Variants in GPC6 observed in about 807,000 individuals in gnomAD.
GPC6 encodes glypican-6.
A neutral mutation model predicts 55.2 loss-of-function variants in GPC6; 14 were observed. The ratio of observed to expected loss-of-function variants is 0.25; its 90% CI spans 0.17 to 0.40. The LOEUF (loss-of-function observed/expected upper bound fraction) is 0.40. Ranked by LOEUF, GPC6 falls within the 10% of genes least tolerant of loss-of-function variation. The pLI, the probability that GPC6 is intolerant of heterozygous loss-of-function variation, is 1.00. For synonymous variants in GPC6, 278 were observed against 259.6 expected (o/e 1.07, Z -0.68); for missense variants, 641 against 708.5 (o/e 0.90, Z 1.08).
intron 4 of GPC6, among the ~76,000 whole-genome samples, chr13:94,105,938 T>A (rs1886037933): frequency 6.6e-6 from 1 of 150,620 alleles, no homozygotes; most frequent in African/African-American, 2.4e-5. Context: ...CCAAGAGTTA[T>A]CCAGCTATCC....
chr13:93,391,654 C>T (rs1259174120), intron 1 of GPC6, among the ~76,000 whole-genome samples: 1 of 152,080 alleles, frequency 6.6e-6, no homozygotes, highest in Non-Finnish European at 1.5e-5. Flanking sequence ...TGCCATGGCT[C>T]TTTTTGAGTT....
intron 1 of GPC6, among the ~76,000 whole-genome samples, chr13:93,268,568 C>A: frequency 6.6e-6 from 1 of 151,942 alleles, no homozygotes; most frequent in Non-Finnish European, 1.5e-5. Flanking sequence ...TACGTAAAGA[C>A]CAATTCTCGG....
At chr13:93,892,829 A>T (rs1213446271) in intron 3 of GPC6, among the ~76,000 whole-genome samples, 1 of 152,152 alleles carries the variant, frequency 6.6e-6, no homozygotes, top group Non-Finnish European at 1.5e-5. Flanking sequence ...TTCACTAAGG[A>T]GATGTGTTCT....
intron 8 of GPC6, among the ~76,000 whole-genome samples, chr13:94,401,722 C>T (rs1164054172): frequency 6.6e-6 from 1 of 152,178 alleles, no homozygotes; most frequent in Non-Finnish European, 1.5e-5. Flanking sequence ...TTCACATACA[C>T]TTTTTACATG....
intron 3 of GPC6, among the ~76,000 whole-genome samples, chr13:93,841,647 C>T (rs753046628): frequency 1.3e-5 from 2 of 152,062 alleles, no homozygotes; most frequent in East Asian, 1.9e-4. Flanking sequence ...AAACTATAGC[C>T]GAAATCAGTA....
In GPC6 at chr13:93,869,131, C is replaced by T. The variant is rs76988075; in HGVS notation, c.711+38586C>T. 6.8e-3 allele frequency among the ~76,000 whole-genome samples: 1,028 copies of T among 151,932 alleles called. 17 individuals carry two copies. Among genetic ancestry groups the T allele is most frequent in the African/African-American group, 0.023 (974 of 41,498 alleles). On this transcript the variant is annotated intron_variant, in intron 3 of 8. Coordinates refer to ENST00000377047, the MANE Select transcript of GPC6 (RefSeq NM_005708.5). ...GCCCTTTAATACTGCACACCATCTG[C>T]TTCAAGTCCCTTTCTTTTTACAGCC...
In GPC6 at chr13:93,227,381, G is replaced by A. The variant is rs1415190906; in HGVS notation, c.-76G>A. Reference sequence around the variant, plus strand: ...CGAGGAGCGCGCCGCTGCCTCTGGCGGGCTTTCGGCTTGAGGGGCAAGGTG... The same window carrying A: ...CGAGGAGCGCGCCGCTGCCTCTGGCAGGCTTTCGGCTTGAGGGGCAAGGTG... On this transcript the variant is annotated 5_prime_UTR_variant, in exon 1 of 9. Transcript: ENST00000377047. The surrounding 1 kb of genome is among the most constrained non-coding windows in gnomAD (Gnocchi z 4.3). The A allele has an allele frequency of 4.0e-6, 6 of 1,481,694 alleles. No homozygotes were observed. The highest frequency in any genetic ancestry group is 2.3e-5 in the East Asian group (1 of 43,740). The allele number at this position is 1,481,694 out of a possible 1,614,324, so 91.8% of individuals were successfully genotyped here. A position where few individuals can be genotyped will look rare whatever the true frequency, so the allele number is the denominator to read the frequency against.
At chr13:93,769,748 C>T (rs1362082737) in intron 2 of GPC6, among the ~76,000 whole-genome samples, 2 of 152,208 alleles carry the variant, frequency 1.3e-5, no homozygotes, top group Non-Finnish European at 1.5e-5. Context: ...TTGGCTTGCA[C>T]ACACAACCTC....
At chr13:93,543,586 T>G (rs939317370) in intron 1 of GPC6, among the ~76,000 whole-genome samples, 1 of 152,152 alleles carries the variant, frequency 6.6e-6, no homozygotes, top group Non-Finnish European at 1.5e-5. Context: ...TTGGAATAGT[T>G]TCAGAAGGAA....
chr13:94,261,242 T>C (rs1277845875), intron 4 of GPC6, among the ~76,000 whole-genome samples: 3 of 152,046 alleles, frequency 2.0e-5, no homozygotes, highest in Non-Finnish European at 4.4e-5. Flanking sequence ...GCCACTTCAC[T>C]CCAGCCTCAG....
chr13:93,221,166 A>AT, the GPC6 span, among the ~76,000 whole-genome samples: 1 of 152,172 alleles, frequency 6.6e-6, no homozygotes, highest in Non-Finnish European at 1.5e-5. Flanking sequence ...TGAAAATAGT[A>AT]TTTTAAATCA....
intron 6 of GPC6, among the ~76,000 whole-genome samples, chr13:94,343,314 A>C (rs1181827959): frequency 6.6e-6 from 1 of 152,202 alleles, no homozygotes; most frequent in Non-Finnish European, 1.5e-5. Flanking sequence ...CACCGGCTAC[A>C]TGGATTCCTT....
At chr13:93,439,796 C>G (rs1877721066) in intron 1 of GPC6, among the ~76,000 whole-genome samples, 1 of 152,132 alleles carries the variant, frequency 6.6e-6, no homozygotes, top group African/African-American at 2.4e-5. Context: ...GGCTTTTCTA[C>G]AGACTTCAGA....
At chr13:93,512,310 G>A (rs1284059896) in intron 1 of GPC6, among the ~76,000 whole-genome samples, 2 of 152,000 alleles carry the variant, frequency 1.3e-5, no homozygotes, top group African/African-American at 4.8e-5. Flanking sequence ...TTAGTTGTGT[G>A]TTTGTCATAT....
At chr13:93,294,247 C>T (rs1878409039) in intron 1 of GPC6, among the ~76,000 whole-genome samples, 1 of 152,078 alleles carries the variant, frequency 6.6e-6, no homozygotes, top group African/African-American at 2.4e-5. Context: ...ACATTTCTAT[C>T]CTTTACCCAG....
intron 2 of GPC6, among the ~76,000 whole-genome samples, chr13:93,585,026 C>T (rs1159521922): frequency 6.6e-6 from 1 of 152,154 alleles, no homozygotes. Context: ...ATTTCTTTAA[C>T]AAGTCATTTG....
At chr13:94,393,054 T>C (rs1360849841) in intron 7 of GPC6, among the ~76,000 whole-genome samples, 1 of 152,222 alleles carries the variant, frequency 6.6e-6, no homozygotes, top group South Asian at 2.1e-4. Context: ...TATTTTAAAT[T>C]ATAGCCATCC....
At chr13:93,314,943 G>A (rs930576848) in intron 1 of GPC6, among the ~76,000 whole-genome samples, 10 of 152,020 alleles carry the variant, frequency 6.6e-5, no homozygotes, top group Non-Finnish European at 1.3e-4. Context: ...TGAAGTTGAT[G>A]AGAACCCAGA....
At chr13:94,297,329 T>G (rs554663556) in intron 5 of GPC6, among the ~76,000 whole-genome samples, 2 of 152,164 alleles carry the variant, frequency 1.3e-5, no homozygotes, top group Non-Finnish European at 2.9e-5. Context: ...GCCCGTCTGA[T>G]GTAAATTACA....
Sources: allele counts gnomAD v4.1 joint callset (sites outside exome capture counted in the v4.1 genomes callset), GRCh38; gene constraint gnomAD v4.1.1; non-coding constraint Gnocchi (gnomAD v3.1); transcripts MANE v1.5; gene names NCBI Gene and HGNC (gene_info 2026-07-23, HGNC 2026-07-21).